The following JAK1 variants were observed in gnomAD, a reference collection of about 807,000 sequenced individuals.
JAK1 encodes Janus kinase 1.
In JAK1, 16 loss-of-function variants were observed where a neutral mutation model predicts 136.6. The ratio of observed to expected loss-of-function variants is 0.12; its 90% CI spans 0.08 to 0.18. The LOEUF is 0.18. JAK1 is among the 10% of genes least tolerant of loss of function. JAK1 has a pLI of 1.00. For missense variants in JAK1, 859 were observed against 1,450.1 expected (o/e 0.59, Z 6.62); for synonymous variants, 492 against 519.5 (o/e 0.95, Z 0.72).
At chr1:64,927,857 G>A (rs1193705861) in intron 1 of JAK1, among the ~76,000 whole-genome samples, 2 of 152,194 alleles carry the variant, frequency 1.3e-5, no homozygotes, top group African/African-American at 4.8e-5. Flanking sequence ...ATATGGTTGG[G>A]CAGGTTGGGC....
intron 2 of JAK1, among the ~76,000 whole-genome samples, chr1:64,997,041 A>G (rs1033238564): frequency 2.0e-5 from 3 of 152,238 alleles, no homozygotes; most frequent in Non-Finnish European, 4.4e-5. Context: ...ACCCACTTAC[A>G]TAGTTAAAAA....
chr1:64,879,050 A>G lies in JAK1; in HGVS notation c.304T>C (p.Ser102Pro). The G allele has an allele frequency of 1.2e-6, 2 of 1,614,070 alleles. No individual in the cohort carries two copies. Among genetic ancestry groups the G allele is most frequent in the Admixed American group, 3.3e-5 (2 of 60,024 alleles). The change falls in exon 4 of 25, where the codon TCC (serine) becomes CCC (proline). Residue 102 changes from serine to proline, a missense_variant. Physicochemically the swap from Ser to Pro is moderately conservative, Grantham distance 74. Coordinates refer to ENST00000342505, the MANE Select transcript of JAK1 (RefSeq NM_002227.4). ...NRTITVDDKM[S>P]LRLHYRMRFY... ...CTCATCCGGTAGTGGAGCCGGAGGG[A>G]CATCTTGTCATCAACGGTGATGGTG...
At chr1:64,960,806 G>A (rs570081850) in intron 1 of JAK1, among the ~76,000 whole-genome samples, 1 of 152,258 alleles carries the variant, frequency 6.6e-6, no homozygotes, top group Non-Finnish European at 1.5e-5. Context: ...GCCCTTTTCT[G>A]CTAGAGATGT....
chr1:65,033,222 G>A (rs1274587687), intron 2 of JAK1, among the ~76,000 whole-genome samples: 2 of 152,098 alleles, frequency 1.3e-5, no homozygotes, highest in Non-Finnish European at 1.5e-5. Context: ...TCACTCTTGC[G>A]CTCTCACTGC....
chr1:64,937,279 A>G (rs1321027515), intron 1 of JAK1, among the ~76,000 whole-genome samples: 1 of 152,168 alleles, frequency 6.6e-6, no homozygotes, highest in Non-Finnish European at 1.5e-5. Flanking sequence ...TCCAACCCCC[A>G]GAGAGCTCCA....
At chr1:64,957,996 T>C (rs966747849) in intron 1 of JAK1, among the ~76,000 whole-genome samples, 4 of 151,934 alleles carry the variant, frequency 2.6e-5, no homozygotes, top group Admixed American at 2.6e-4. Context: ...AACCCACCTC[T>C]GACATCTCTC....
intron 2 of JAK1, among the ~76,000 whole-genome samples, chr1:65,030,896 G>T (rs1231144576): frequency 2.6e-5 from 4 of 152,044 alleles, no homozygotes; most frequent in Non-Finnish European, 5.9e-5. Flanking sequence ...GCTCATGCAT[G>T]TGGTCCCAGG....
At chr1:64,944,592 T>C (rs944977137) in intron 1 of JAK1, among the ~76,000 whole-genome samples, 6 of 151,730 alleles carry the variant, frequency 4.0e-5, no homozygotes, top group Admixed American at 2.6e-4. Context: ...AGAATCACGG[T>C]GAAGCCACCC....
intron 1 of JAK1, among the ~76,000 whole-genome samples, chr1:64,895,399 T>TG (rs1375798550): frequency 6.6e-6 from 1 of 152,202 alleles, no homozygotes; most frequent in Non-Finnish European, 1.5e-5. Flanking sequence ...GACTACAGTT[T>TG]GAAAAACACT....
intron 1 of JAK1, among the ~76,000 whole-genome samples, chr1:65,054,878 T>C (rs1438691398): frequency 3.9e-5 from 6 of 152,172 alleles, no homozygotes; most frequent in Non-Finnish European, 7.4e-5. Context: ...TTGAAATGCA[T>C]AAAGACATGG....
chr1:64,864,775 G>A lies in JAK1; in HGVS notation c.1176+12C>T, dbSNP rs757877840. 5 of 1,602,532 alleles carry A rather than the reference G, an allele frequency of 3.1e-6. No individual in the cohort carries two copies. Among genetic ancestry groups the A allele is most frequent in the South Asian group, 1.1e-5 (1 of 89,578 alleles). ...CCAGATCCAGACTTAAGAGCTTCTG[G>A]GACAAACTTACCATTTTCTTGTTGT... On this transcript the variant is annotated intron_variant, in intron 8 of 24. Coordinates refer to ENST00000342505, the MANE Select transcript of JAK1 (RefSeq NM_002227.4).
intron 1 of JAK1, among the ~76,000 whole-genome samples, chr1:64,911,655 C>A (rs1017596684): frequency 6.6e-6 from 1 of 152,204 alleles, no homozygotes; most frequent in African/African-American, 2.4e-5. Flanking sequence ...TGACCTGGAC[C>A]CAGTCAAGTA....
chr1:64,997,399 T>C (rs779375939), intron 2 of JAK1, among the ~76,000 whole-genome samples: 2 of 152,214 alleles, frequency 1.3e-5, no homozygotes, highest in Admixed American at 6.5e-5. Context: ...TGCCAGGTAT[T>C]GTTCTAAGCC....
chr1:64,885,903 T>C (rs1644845380), intron 2 of JAK1, among the ~76,000 whole-genome samples: 2 of 152,290 alleles, frequency 1.3e-5, no homozygotes, highest in African/African-American at 4.8e-5. Flanking sequence ...CACAGGACAT[T>C]CTGCAAAATG....
At chr1:65,036,561 G>T (rs1308886515) in intron 2 of JAK1, among the ~76,000 whole-genome samples, 1 of 152,198 alleles carries the variant, frequency 6.6e-6, no homozygotes, top group Non-Finnish European at 1.5e-5. Flanking sequence ...CTTGCACATT[G>T]TATCTTCGTG....
intron 1 of JAK1, among the ~76,000 whole-genome samples, chr1:64,965,290 AC>A (rs1215236548): frequency 6.6e-6 from 1 of 152,138 alleles, no homozygotes; most frequent in Admixed American, 6.5e-5. Flanking sequence ...AGTGTCAATG[AC>A]ATGTATAGCG....
chr1:64,968,376 C>T (rs78230720), upstream of JAK1, among the ~76,000 whole-genome samples: 3,008 of 152,200 alleles, frequency 0.02, 116 homozygotes, highest in African/African-American at 0.069. Context: ...CAGTGATTCC[C>T]GGTCCTGTAA....
chr1:64,912,743 G>GGTAAACCACTTCTTGTAAAA (rs1553168035), intron 1 of JAK1, among the ~76,000 whole-genome samples: 3 of 152,134 alleles, frequency 2.0e-5, no homozygotes, highest in Non-Finnish European at 4.4e-5. Context: ...ATTTCTGAAA[G>GGTAAACCACTTCTTGTAAAA]GTAAACCACT....
At position 64,963,104 on chromosome 1, in the gene JAK1, C is replaced by T. The variant is rs77064155; in HGVS notation, c.-78+3229G>A. Among the ~76,000 whole-genome samples, 1,198 of 152,030 alleles carry T rather than the reference C, an allele frequency of 7.9e-3. 18 individuals carry two copies. The highest frequency in any genetic ancestry group is 0.028 in the African/African-American group (1,141 of 41,466). On this transcript the variant is annotated intron_variant, in intron 1 of 24. Transcript: ENST00000342505. ...AAAAATAATAATAAAAACAATGAAC[C>T]GATGTCTCTGATGCCTACTATAATG...
Sources: allele counts gnomAD v4.1 joint callset (sites outside exome capture counted in the v4.1 genomes callset), GRCh38; gene constraint gnomAD v4.1.1; transcripts MANE v1.5; gene names NCBI Gene and HGNC (gene_info 2026-07-23, HGNC 2026-07-21).